Variants in CALN1 observed in about 807,000 individuals in gnomAD.
CALN1 encodes calcium-binding protein 8.
Under a neutral mutation model 30.6 loss-of-function variants are expected in CALN1, and 17 were observed. That is an observed-to-expected ratio of 0.56 (90% CI 0.38 to 0.83). The LOEUF is 0.83. Among genes scored for constraint, CALN1 ranks in the 40% least tolerant of loss-of-function variants. CALN1 has a pLI of 0.00. For missense variants in CALN1, 291 were observed against 354.9 expected (o/e 0.82, Z 1.45); for synonymous variants, 156 against 131.4 (o/e 1.19, Z -1.28).
chr7:71,836,579 T>A (rs1307798810), intron 5 of CALN1, among the ~76,000 whole-genome samples: 1 of 151,960 alleles, frequency 6.6e-6, no homozygotes, highest in East Asian at 1.9e-4. Context: ...CTGAGACTCA[T>A]TCTATTTTAT....
chr7:72,274,128 TAA>T (rs1182520750), intron 3 of CALN1, among the ~76,000 whole-genome samples: 9 of 151,770 alleles, frequency 5.9e-5, no homozygotes, highest in African/African-American at 1.7e-4. Context: ...GAAAATAAAT[TAA>T]GATATATTTA....
chr7:72,082,349 T>C (rs1805203792), intron 4 of CALN1, among the ~76,000 whole-genome samples: 1 of 152,182 alleles, frequency 6.6e-6, no homozygotes. Flanking sequence ...CGGAACAGCA[T>C]GCTGTACCCA....
intron 3 of CALN1, among the ~76,000 whole-genome samples, chr7:72,186,563 T>C (rs980080209): frequency 4.6e-5 from 7 of 152,116 alleles, no homozygotes; most frequent in African/African-American, 1.7e-4. Context: ...TTTTCAGCCC[T>C]TGCCTCCTTC....
At chr7:72,265,132 G>C (rs574950501) in intron 3 of CALN1, among the ~76,000 whole-genome samples, 1 of 152,178 alleles carries the variant, frequency 6.6e-6, no homozygotes, top group Non-Finnish European at 1.5e-5. Context: ...AAACCAGGAA[G>C]TTTTTGAGTC....
chr7:72,015,694 T>G (rs897235289), intron 5 of CALN1, among the ~76,000 whole-genome samples: 3 of 152,144 alleles, frequency 2.0e-5, no homozygotes, highest in African/African-American at 7.2e-5. Context: ...GCCTCCCACC[T>G]CTGCCTCCTA....
At chr7:72,005,339 T>C (rs183202438) in intron 5 of CALN1, among the ~76,000 whole-genome samples, 135 of 152,302 alleles carry the variant, frequency 8.9e-4, no homozygotes, top group Middle Eastern at 3.4e-3. Context: ...AACTGTTTTT[T>C]CTGTTTTGAG....
intron 4 of CALN1, among the ~76,000 whole-genome samples, chr7:72,094,712 G>GCTAT (rs1376204670): frequency 2.6e-5 from 4 of 152,192 alleles, no homozygotes; most frequent in Non-Finnish European, 5.9e-5. Flanking sequence ...TGCTTAGGGA[G>GCTAT]ATAGGAATGT....
intron 2 of CALN1, among the ~76,000 whole-genome samples, chr7:72,348,892 A>G (rs1802781330): frequency 6.6e-6 from 1 of 152,182 alleles, no homozygotes; most frequent in African/African-American, 2.4e-5. Context: ...CATAACACCC[A>G]CAGTGTCCAT....
intron 5 of CALN1, among the ~76,000 whole-genome samples, chr7:71,893,798 G>A (rs184286470): frequency 2.6e-5 from 4 of 152,062 alleles, no homozygotes; most frequent in Non-Finnish European, 5.9e-5. Context: ...GGTTTCCTCT[G>A]AGCCTCTTTA....
chr7:72,454,660 A>G, the CALN1 span, among the ~76,000 whole-genome samples: 2 of 152,128 alleles, frequency 1.3e-5, no homozygotes, highest in Non-Finnish European at 2.9e-5. Flanking sequence ...GAGAGGAAGA[A>G]AAATGTCTTT....
chr7:72,337,066 G>A lies in CALN1; in HGVS notation c.120-58256C>T, dbSNP rs1316872187. The stretch of plus-strand genomic sequence containing the variant: ...GCGCTCCTCTACCCCTCCCGCTCCC[G>A]CTGGCCGCGCGGGTTCAGCCCATGT... On this transcript the variant is annotated intron_variant, in intron 2 of 6. Transcript: ENST00000395275. The A allele has an allele frequency of 8.1e-6, 8 of 985,492 alleles. No individual in the cohort carries two copies. In the South Asian group the frequency reaches 2.3e-4, roughly 29 times the overall value. 61.0% of individuals were successfully genotyped at this position (985,492 alleles called of 1,614,324 possible). A position where few individuals can be genotyped will look rare whatever the true frequency, so the allele number is the denominator to read the frequency against.
At chr7:71,868,403 G>C (rs1405317241) in intron 5 of CALN1, among the ~76,000 whole-genome samples, 3 of 132,686 alleles carry the variant, frequency 2.3e-5, no homozygotes, top group African/African-American at 5.6e-5. Context: ...ACGGAGTTTT[G>C]CTCTGTCACC....
At chr7:72,457,573 T>G in the CALN1 span, among the ~76,000 whole-genome samples, 5 of 152,138 alleles carry the variant, frequency 3.3e-5, no homozygotes, top group African/African-American at 1.2e-4. Flanking sequence ...TCACATTCAC[T>G]GGGAAACCTT....
At chr7:72,146,507 A>G (rs142110118) in intron 3 of CALN1, among the ~76,000 whole-genome samples, 3,964 of 152,360 alleles carry the variant, frequency 0.026, 185 homozygotes, top group African/African-American at 0.09. Flanking sequence ...GCTCATGGAT[A>G]GGAAGAATCA....
intron 5 of CALN1, among the ~76,000 whole-genome samples, chr7:71,877,608 C>T (rs1285639301): frequency 7.9e-5 from 12 of 151,176 alleles, no homozygotes; most frequent in Non-Finnish European, 1.5e-4. Context: ...TTTATGAATA[C>T]ATTTGGCGAG....
chr7:72,101,246 G>A (rs575813614), intron 4 of CALN1, among the ~76,000 whole-genome samples: 5 of 152,230 alleles, frequency 3.3e-5, no homozygotes, highest in African/African-American at 9.6e-5. Context: ...CGATTGACTA[G>A]GTTTTATTAC....
intron 2 of CALN1, among the ~76,000 whole-genome samples, chr7:72,387,021 T>C (rs577841407): frequency 6.6e-6 from 1 of 151,306 alleles, no homozygotes; most frequent in South Asian, 2.1e-4. Flanking sequence ...TGGAACATCT[T>C]TCAGTGCCAG....
chr7:72,089,674 T>A (rs534412845), intron 4 of CALN1, among the ~76,000 whole-genome samples: 6 of 152,048 alleles, frequency 3.9e-5, no homozygotes, highest in African/African-American at 1.4e-4. Context: ...AGCAAAAAGG[T>A]TATGTGGCAA....
chr7:72,282,348 A>G (rs544935596), intron 2 of CALN1, among the ~76,000 whole-genome samples: 11 of 152,234 alleles, frequency 7.2e-5, no homozygotes, highest in Non-Finnish European at 1.5e-4. Flanking sequence ...CATGAAAACA[A>G]TCTTTCTGTG....
Sources: allele counts gnomAD v4.1 joint callset (sites outside exome capture counted in the v4.1 genomes callset), GRCh38; gene constraint gnomAD v4.1.1; transcripts MANE v1.5; gene names NCBI Gene and HGNC (gene_info 2026-07-23, HGNC 2026-07-21).